The following ROBO2 variants were observed in gnomAD, a reference collection of about 807,000 sequenced individuals.
The protein encoded by ROBO2 is roundabout guidance receptor 2.
ROBO2 carries 53 observed loss-of-function variants against 160.8 expected under a neutral mutation model. The ratio of observed to expected loss-of-function variants is 0.33; its 90% confidence interval spans 0.26 to 0.41. The LOEUF is 0.41. Ranked by LOEUF, ROBO2 falls within the 10% of genes least tolerant of loss-of-function variation. The pLI, the probability that ROBO2 is intolerant of heterozygous loss-of-function variation, is 1.00. For synonymous variants in ROBO2, 664 were observed against 611.7 expected (o/e 1.09, Z -1.26); for missense variants, 1,577 against 1,722.4 (o/e 0.92, Z 1.49).
At position 77,381,334 on chromosome 3, in the gene ROBO2, CA is replaced by C. The variant is rs1446001060; in HGVS notation, c.389-96077del. Among the ~76,000 whole-genome samples the C allele has an allele frequency of 2.0e-5, 3 of 151,886 alleles. No homozygotes were observed. The East Asian group carries it at 5.8e-4, about 29-fold the overall frequency. On this transcript the variant is annotated intron_variant, in intron 2 of 25. Coordinates refer to ENST00000461745, the Ensembl canonical transcript of ROBO2. ...CATCTAAAACAAACAAACAAACAAA[CA>C]AAGACAGGATTCTTACACTTCCTGT...
At chr3:77,190,417 A>G (rs536765206) in intron 2 of ROBO2, among the ~76,000 whole-genome samples, 2 of 151,992 alleles carry the variant, frequency 1.3e-5, no homozygotes, top group Non-Finnish European at 2.9e-5. Flanking sequence ...AATAAACGAT[A>G]TTGTCTGAGT....
chr3:76,723,350 G>A (rs1329414913), intron 2 of ROBO2, among the ~76,000 whole-genome samples: 1 of 151,976 alleles, frequency 6.6e-6, no homozygotes, highest in Non-Finnish European at 1.5e-5. Context: ...TAGAAAATGT[G>A]GGAGATAAAA....
intron 2 of ROBO2, among the ~76,000 whole-genome samples, chr3:77,406,387 T>C (rs965504827): frequency 1.3e-5 from 2 of 152,212 alleles, no homozygotes; most frequent in Non-Finnish European, 2.9e-5. Context: ...TGTGATGCTA[T>C]CTTACGTACT....
intron 1 of ROBO2, among the ~76,000 whole-genome samples, chr3:77,072,441 G>A (rs534749397): frequency 6.6e-5 from 10 of 152,120 alleles, no homozygotes; most frequent in Non-Finnish European, 1.5e-4. Context: ...GTGCCAAAAG[G>A]TGGGGAACTT....
chr3:76,291,694 TG>T (rs1291056831), intron 2 of ROBO2, among the ~76,000 whole-genome samples: 1 of 152,208 alleles, frequency 6.6e-6, no homozygotes, highest in Non-Finnish European at 1.5e-5. Flanking sequence ...CTGCTTTAGC[TG>T]TGTCCCAGAG....
chr3:76,450,645 A>T (rs937571211), intron 2 of ROBO2, among the ~76,000 whole-genome samples: 1 of 152,130 alleles, frequency 6.6e-6, no homozygotes, highest in East Asian at 1.9e-4. Context: ...TGGCTTTGTG[A>T]TGAAGTTATG....
intron 3 of ROBO2, among the ~76,000 whole-genome samples, chr3:77,478,026 C>A (rs567485919): frequency 5.9e-5 from 9 of 151,906 alleles, no homozygotes; most frequent in African/African-American, 2.2e-4. Flanking sequence ...GGGGTTTCAC[C>A]ATGTTGGCCA....
At chr3:76,873,059 A>C (rs1274976050) in intron 2 of ROBO2, among the ~76,000 whole-genome samples, 1 of 152,170 alleles carries the variant, frequency 6.6e-6, no homozygotes, top group African/African-American at 2.4e-5. Context: ...TTATATTTCT[A>C]ACTCTTACTT....
intron 2 of ROBO2, among the ~76,000 whole-genome samples, chr3:76,882,835 T>A (rs2073494182): frequency 6.6e-6 from 1 of 152,348 alleles, no homozygotes; most frequent in African/African-American, 2.4e-5. Context: ...AACTCTTGCA[T>A]AGAAGCTTTA....
intron 1 of ROBO2, among the ~76,000 whole-genome samples, chr3:77,053,461 C>T (rs532135062): frequency 1.3e-5 from 2 of 152,182 alleles, no homozygotes; most frequent in African/African-American, 4.8e-5. Flanking sequence ...GTGATGCTTC[C>T]TGTCATCTGT....
chr3:77,020,091 C>T (rs1293516061), intron 2 of ROBO2, among the ~76,000 whole-genome samples: 4 of 152,060 alleles, frequency 2.6e-5, no homozygotes, highest in Admixed American at 2.0e-4. Context: ...TTTTTTAAAA[C>T]TATTAAAAGG....
At chr3:77,550,081 T>A (rs534710660) in intron 7 of ROBO2, among the ~76,000 whole-genome samples, 4 of 152,164 alleles carry the variant, frequency 2.6e-5, no homozygotes, top group African/African-American at 9.6e-5. Context: ...TCACAATTTG[T>A]AATTAGGCTA....
chr3:76,242,341 G>A (rs1056832054), intron 2 of ROBO2, among the ~76,000 whole-genome samples: 6 of 152,050 alleles, frequency 3.9e-5, no homozygotes, highest in African/African-American at 9.7e-5. Flanking sequence ...CCTATGGAGC[G>A]GGGCAGTCTC....
exon 23 of ROBO2, chr3:77,622,324 G>C: frequency 6.2e-7 from 1 of 1,614,200 alleles, no homozygotes; most frequent in Non-Finnish European, 8.5e-7. Flanking sequence ...GGATGTTGCA[G>C]ATGATGATGC....
chr3:76,857,607 G>A (rs1196093657), intron 2 of ROBO2, among the ~76,000 whole-genome samples: 1 of 152,072 alleles, frequency 6.6e-6, no homozygotes, highest in Non-Finnish European at 1.5e-5. Flanking sequence ...CAATGAACAC[G>A]TTTTTGCTGT....
chr3:76,707,760 T>TATATATATATATATATATAA (rs1491556017), intron 2 of ROBO2, among the ~76,000 whole-genome samples: 5 of 134,408 alleles, frequency 3.7e-5, no homozygotes, highest in Non-Finnish European at 8.0e-5. Context: ...TATATATATA[T>TATATATATATATATATATAA]AAATCTTAAA....
chr3:76,226,240 G>A (rs1006904592), intron 2 of ROBO2, among the ~76,000 whole-genome samples: 3 of 152,088 alleles, frequency 2.0e-5, no homozygotes, highest in African/African-American at 7.2e-5. Context: ...ATAACATTAA[G>A]GATAGATATG....
At chr3:76,563,880 T>A (rs1350989651) in intron 2 of ROBO2, among the ~76,000 whole-genome samples, 1 of 152,206 alleles carries the variant, frequency 6.6e-6, no homozygotes, top group Admixed American at 6.5e-5. Flanking sequence ...GATTTTGAAG[T>A]CCAGGTCATA....
intron 2 of ROBO2, among the ~76,000 whole-genome samples, chr3:76,814,903 G>T (rs562135302): frequency 6.6e-6 from 1 of 152,018 alleles, no homozygotes; most frequent in South Asian, 2.1e-4. Flanking sequence ...GGGTGGGAGA[G>T]GAAGTCATTT....
Sources: gnomAD v4.1 joint callset for allele counts (sites outside exome capture counted in the v4.1 genomes callset) on GRCh38, gnomAD v4.1.1 for gene constraint, MANE v1.5 for transcripts, NCBI Gene and HGNC (gene_info 2026-07-23, HGNC 2026-07-21) for gene names.